The following EBF2 variants were observed in gnomAD, a reference collection of about 807,000 sequenced individuals.
EBF2 encodes the protein EBF transcription factor 2.
Under a neutral mutation model 72.8 loss-of-function variants are expected in EBF2, and 21 were observed. The ratio of observed to expected loss-of-function variants is 0.29; its 90% CI spans 0.20 to 0.42. The LOEUF is 0.42. Ranked by LOEUF, EBF2 falls within the 10% of genes least tolerant of loss-of-function variation. The probability of loss-of-function intolerance (pLI) is 1.00; values close to 1 mark genes in which losing one functional copy is unlikely to be tolerated. For synonymous variants in EBF2, 299 were observed against 274.2 expected (o/e 1.09, Z -0.89); for missense variants, 637 against 731.2 (o/e 0.87, Z 1.49).
At chr8:25,994,356 A>G (rs530881901) in intron 6 of EBF2, among the ~76,000 whole-genome samples, 3 of 152,200 alleles carry the variant, frequency 2.0e-5, no homozygotes, top group Non-Finnish European at 2.9e-5. Context: ...CTATTGTGCC[A>G]AACAGAAATA....
chr8:25,961,287 T>C (rs529198538), intron 6 of EBF2, among the ~76,000 whole-genome samples: 3 of 152,362 alleles, frequency 2.0e-5, no homozygotes, highest in African/African-American at 7.2e-5. Context: ...TCCATTTCCC[T>C]GGTATAATTA....
intron 7 of EBF2, among the ~76,000 whole-genome samples, chr8:25,907,663 C>G (rs1380582109): frequency 2.6e-5 from 4 of 151,904 alleles, no homozygotes; most frequent in African/African-American, 9.7e-5. Flanking sequence ...GCTAAGGTTC[C>G]CCATCTCTCT....
At chr8:25,923,132 G>A (rs991257774) in intron 6 of EBF2, among the ~76,000 whole-genome samples, 8 of 152,208 alleles carry the variant, frequency 5.3e-5, no homozygotes, top group African/African-American at 1.7e-4. Flanking sequence ...CAGGTCCCTC[G>A]GGAAGGCGCA....
At chr8:26,010,211 CATAAT>C (rs1804954161) in intron 6 of EBF2, among the ~76,000 whole-genome samples, 1 of 152,170 alleles carries the variant, frequency 6.6e-6, no homozygotes, top group African/African-American at 2.4e-5. Context: ...TCCCCCTTCT[CATAAT>C]ATAACTTTGT....
rs567788840 is a variant in EBF2, at chr8:25,960,073, T to C, written c.552-51518A>G. On this transcript the variant is annotated intron_variant, in intron 6 of 15. Transcript: ENST00000520164. ...CCTAAAGCAGTGATCTTCATGTATCTAAGGAAGGGAGGAGCAGGGAGAACT... is the reference window on the plus strand; with the variant it reads ...CCTAAAGCAGTGATCTTCATGTATCCAAGGAAGGGAGGAGCAGGGAGAACT... Among the ~76,000 whole-genome samples, 3 of 152,300 alleles carry C rather than the reference T, an allele frequency of 2.0e-5. No individual in the cohort carries two copies. The East Asian group carries it at 5.8e-4, about 29-fold the overall frequency.
chr8:25,888,085 C>T, intron 8 of EBF2, 113 bp from the exon 9 acceptor site: 1 of 1,197,516 alleles, frequency 8.4e-7, no homozygotes, highest in South Asian at 1.8e-5. Flanking sequence ...ATAAAATACA[C>T]TAATGCTAAC....
At chr8:25,869,077 C>T (rs1413092192) in intron 10 of EBF2, among the ~76,000 whole-genome samples, 1 of 152,148 alleles carries the variant, frequency 6.6e-6, no homozygotes, top group South Asian at 2.1e-4. Flanking sequence ...GCTTTCTCGG[C>T]CAACCACCAA....
At chr8:26,013,754 G>A (rs929541664) in intron 6 of EBF2, among the ~76,000 whole-genome samples, 3 of 151,822 alleles carry the variant, frequency 2.0e-5, no homozygotes, top group African/African-American at 7.3e-5. Context: ...TGTATCACAG[G>A]TAAAAGAAAA....
chr8:25,971,434 T>C (rs1409612174), intron 6 of EBF2, among the ~76,000 whole-genome samples: 1 of 152,116 alleles, frequency 6.6e-6, no homozygotes, highest in African/African-American at 2.4e-5. Flanking sequence ...ACAGTGTGAC[T>C]GGATTCCAGA....
intron 6 of EBF2, among the ~76,000 whole-genome samples, chr8:26,029,341 G>T (rs928207916): frequency 2.0e-5 from 3 of 152,106 alleles, no homozygotes; most frequent in African/African-American, 7.2e-5. Context: ...ACTCTTAATT[G>T]GCCATTGATG....
intron 6 of EBF2, among the ~76,000 whole-genome samples, chr8:26,025,234 G>A (rs910775587): frequency 5.3e-5 from 8 of 152,100 alleles, no homozygotes; most frequent in Non-Finnish European, 2.9e-5. Flanking sequence ...CGAATGTTGG[G>A]ACCTAGGTAC....
intron 6 of EBF2, 107 bp from the exon 7 acceptor site, chr8:25,908,662 G>C: frequency 1.3e-6 from 1 of 797,422 alleles, no homozygotes; most frequent in Non-Finnish European, 2.0e-6. Context: ...TTTCAGATCT[G>C]GGGAATTTCA....
chr8:26,043,069 T>A (rs1325299034), intron 1 of EBF2, among the ~76,000 whole-genome samples: 1 of 152,166 alleles, frequency 6.6e-6, no homozygotes. Context: ...TCATGCTGCG[T>A]TTTCTGGCGG....
At chr8:25,943,467 G>T (rs970701036) in intron 6 of EBF2, among the ~76,000 whole-genome samples, 3 of 152,014 alleles carry the variant, frequency 2.0e-5, no homozygotes, top group African/African-American at 7.2e-5. Flanking sequence ...TTATGATCAT[G>T]CCACTGCACT....
chr8:25,860,950 C>G (rs573052308), intron 13 of EBF2, 99 bp downstream of exon 13: 1 of 1,299,108 alleles, frequency 7.7e-7, no homozygotes, highest in East Asian at 2.3e-5. Flanking sequence ...TGTGGACACA[C>G]TCTGTTGGAC....
chr8:25,876,362 T>C (rs906953261), intron 10 of EBF2, among the ~76,000 whole-genome samples: 5 of 152,276 alleles, frequency 3.3e-5, no homozygotes, highest in African/African-American at 9.6e-5. Flanking sequence ...TCATGGCACA[T>C]GTATACCTAT....
intron 10 of EBF2, 44 bp downstream of exon 10, chr8:25,886,711 G>C (rs1486887585): frequency 1.3e-5 from 20 of 1,578,580 alleles, no homozygotes; most frequent in Non-Finnish European, 1.7e-5. Context: ...TAGCGCAAAG[G>C]CAAACCAGAA....
At chr8:25,844,766 A>T in intron 15 of EBF2, 126 bp from the exon 16 acceptor site, 1 of 1,188,676 alleles carries the variant, frequency 8.4e-7, no homozygotes, top group South Asian at 1.3e-5. Context: ...TGGTGCCCTC[A>T]GCTGATATGA....
intron 6 of EBF2, among the ~76,000 whole-genome samples, chr8:26,005,904 C>T (rs1169342078): frequency 6.6e-6 from 1 of 151,512 alleles, no homozygotes; most frequent in Non-Finnish European, 1.5e-5. Flanking sequence ...AGCACAAATC[C>T]TTCCCAAAGT....
Sources: allele counts gnomAD v4.1 joint callset (sites outside exome capture counted in the v4.1 genomes callset), GRCh38; gene constraint gnomAD v4.1.1; transcripts MANE v1.5; gene names NCBI Gene and HGNC (gene_info 2026-07-23, HGNC 2026-07-21).